FTO: variants seen among roughly 807,000 people sequenced by gnomAD.
FTO encodes FTO alpha-ketoglutarate dependent dioxygenase.
FTO carries 47 observed loss-of-function variants against 63.9 expected under a neutral mutation model. That is an observed-to-expected ratio of 0.74 (90% CI 0.58 to 0.94). The LOEUF is 0.94. Ranked by LOEUF, FTO falls within the 40% of genes least tolerant of loss-of-function variation. The pLI is 0.00. For missense variants in FTO, 562 were observed against 618.1 expected (o/e 0.91, Z 0.96); for synonymous variants, 207 against 224.4 (o/e 0.92, Z 0.69).
At chr16:54,099,277 A>G (rs1162165931) in intron 8 of FTO, among the ~76,000 whole-genome samples, 1 of 152,122 alleles carries the variant, frequency 6.6e-6, no homozygotes, top group Non-Finnish European at 1.5e-5. Flanking sequence ...AGCAGAATAT[A>G]TTTTCTTCCA....
rs2078359121 is a variant in FTO at position 53,806,079 on chromosome 16, ATGT to A, written c.46-4057_46-4055del. ...TACCTGTGCTCCAGAGCGCATTTTA[ATGT>A]TGTGTGTTTTTACTGTGGTTGGCAT... On this transcript the variant is annotated intron_variant, in intron 1 of 8. Transcript: ENST00000471389. Among the ~76,000 whole-genome samples, 3 of 152,292 alleles carry A rather than the reference ATGT, an allele frequency of 2.0e-5. No homozygotes were observed. In the South Asian group the frequency reaches 6.2e-4, roughly 32 times the overall value.
At chr16:54,053,984 C>T (rs1348316753) in intron 8 of FTO, among the ~76,000 whole-genome samples, 1 of 152,056 alleles carries the variant, frequency 6.6e-6, no homozygotes, top group Non-Finnish European at 1.5e-5. Context: ...CCTGCAGCTC[C>T]GATTCCCCGT....
chr16:53,961,093 T>C (rs765535891), intron 8 of FTO, among the ~76,000 whole-genome samples: 1 of 151,958 alleles, frequency 6.6e-6, no homozygotes, highest in Non-Finnish European at 1.5e-5. Context: ...AGTTCACCTG[T>C]AGCCAACCTG....
At chr16:54,081,650 G>C (rs1367111952) in intron 8 of FTO, among the ~76,000 whole-genome samples, 2 of 152,282 alleles carry the variant, frequency 1.3e-5, no homozygotes, top group South Asian at 4.1e-4. Flanking sequence ...CTATGGCATT[G>C]TTTGGAGATA....
At chr16:53,801,482 A>G (rs1309063084) in intron 1 of FTO, among the ~76,000 whole-genome samples, 1 of 152,116 alleles carries the variant, frequency 6.6e-6, no homozygotes, top group Non-Finnish European at 1.5e-5. Context: ...ACTTAGTGAG[A>G]AGTCTTTTAT....
intron 1 of FTO, among the ~76,000 whole-genome samples, chr16:53,730,740 GC>G (rs1381198982): frequency 6.6e-6 from 1 of 152,024 alleles, no homozygotes; most frequent in African/African-American, 2.4e-5. Flanking sequence ...CAAGCGATCT[GC>G]CTGCCTTGGC....
intron 7 of FTO, among the ~76,000 whole-genome samples, chr16:53,902,062 G>A (rs116721214): frequency 2.6e-5 from 4 of 152,130 alleles, no homozygotes; most frequent in African/African-American, 9.7e-5. Flanking sequence ...TGGGCTTCAG[G>A]CTTTTTAGAA....
intron 1 of FTO, among the ~76,000 whole-genome samples, chr16:53,750,197 G>A (rs2076752316): frequency 6.6e-6 from 1 of 151,864 alleles, no homozygotes. Context: ...TCAAAGTCTG[G>A]CCCTTGAGCT....
chr16:53,891,882 T>G (rs1482570282), intron 7 of FTO, among the ~76,000 whole-genome samples: 1 of 152,154 alleles, frequency 6.6e-6, no homozygotes, highest in Non-Finnish European at 1.5e-5. Context: ...AACTCTCTGG[T>G]GCTGGTTTCC....
intron 4 of FTO, among the ~76,000 whole-genome samples, chr16:53,850,336 A>ATT (rs112564916): frequency 8.7e-4 from 128 of 147,398 alleles, no homozygotes; most frequent in African/African-American, 2.8e-3. Context: ...CTTGTGTTCA[A>ATT]TTTTTTTTTT....
At chr16:53,972,001 T>C (rs2083333493) in intron 8 of FTO, among the ~76,000 whole-genome samples, 1 of 152,122 alleles carries the variant, frequency 6.6e-6, no homozygotes, top group Admixed American at 6.6e-5. Flanking sequence ...GCTTGGTGCA[T>C]GTTTTAACGA....
chr16:54,100,517 T>C (rs777640830), intron 8 of FTO, among the ~76,000 whole-genome samples: 17 of 152,042 alleles, frequency 1.1e-4, no homozygotes, highest in Non-Finnish European at 2.1e-4. Context: ...CATGGCTGAC[T>C]AGTCTTTTTA....
chr16:53,933,948 C>T (rs1237793462), intron 7 of FTO, 37 bp from the exon 8 acceptor site: 1 of 1,603,450 alleles, frequency 6.2e-7, no homozygotes, highest in Non-Finnish European at 8.5e-7. Flanking sequence ...ATTAATTTTT[C>T]ACTTTTTCTT....
intron 1 of FTO, among the ~76,000 whole-genome samples, chr16:53,735,420 C>T (rs752015354): frequency 6.6e-6 from 1 of 152,230 alleles, no homozygotes; most frequent in Non-Finnish European, 1.5e-5. Context: ...GTTTGCTGTG[C>T]GGTGAATGCA....
chr16:53,830,478 G>A (rs2079114398), intron 3 of FTO, among the ~76,000 whole-genome samples: 1 of 152,124 alleles, frequency 6.6e-6, no homozygotes, highest in Non-Finnish European at 1.5e-5. Flanking sequence ...TACCATTTTT[G>A]TTTCTTTGTC....
At chr16:53,843,797 G>T (rs1274923190) in intron 3 of FTO, among the ~76,000 whole-genome samples, 7 of 150,380 alleles carry the variant, frequency 4.7e-5, no homozygotes, top group Non-Finnish European at 8.9e-5. Flanking sequence ...CTTTACATCT[G>T]TTTTTTATTT....
chr16:53,756,100 T>C (rs1054533110), intron 1 of FTO, among the ~76,000 whole-genome samples: 2 of 152,108 alleles, frequency 1.3e-5, no homozygotes, highest in African/African-American at 4.8e-5. Context: ...TTCTTTCAAC[T>C]CCTCTAAATT....
At chr16:54,111,353 T>C (rs985065760) in intron 8 of FTO, among the ~76,000 whole-genome samples, 2 of 152,182 alleles carry the variant, frequency 1.3e-5, no homozygotes, top group Non-Finnish European at 2.9e-5. Flanking sequence ...ATGCAGTAAA[T>C]TCAATTTAAT....
intron 1 of FTO, among the ~76,000 whole-genome samples, chr16:53,804,446 C>G (rs927225256): frequency 6.6e-6 from 1 of 152,146 alleles, no homozygotes; most frequent in African/African-American, 2.4e-5. Context: ...ATTCAAAATT[C>G]TACTTTCGCC....
Sources: allele counts gnomAD v4.1 joint callset (sites outside exome capture counted in the v4.1 genomes callset), GRCh38; gene constraint gnomAD v4.1.1; transcripts MANE v1.5; gene names NCBI Gene and HGNC (gene_info 2026-07-23, HGNC 2026-07-21).